The following SLC6A20 variants were observed in gnomAD, a reference collection of about 807,000 sequenced individuals.
The protein encoded by SLC6A20 is sodium- and chloride-dependent transporter XTRP3.
In SLC6A20, 73 loss-of-function variants were observed where a neutral mutation model predicts 64.3. The observed-to-expected ratio is 1.14, with a 90% CI of 0.94 to 1.38. SLC6A20 has a LOEUF of 1.38. SLC6A20 is among the 40% of genes most tolerant of loss of function. SLC6A20 has a pLI of 0.00. For missense variants in SLC6A20, 725 were observed against 772.8 expected, an observed-to-expected ratio of 0.94 and a Z score of 0.73; for synonymous variants, 347 against 329.6, an observed-to-expected ratio of 1.05 and a Z score of -0.57.
intron 9 of SLC6A20, among the ~76,000 whole-genome samples, chr3:45,760,314 C>A (rs930113127): frequency 6.6e-6 from 1 of 152,194 alleles, no homozygotes; most frequent in Admixed American, 6.5e-5. Flanking sequence ...GCTGGCATAG[C>A]CCAGAGGGCA....
intron 9 of SLC6A20, 54 bp from the exon 10 acceptor site, chr3:45,760,076 G>T: frequency 1.3e-6 from 2 of 1,557,648 alleles, no homozygotes; most frequent in Non-Finnish European, 1.7e-6. Flanking sequence ...CGGAGGTCAG[G>T]GCGTCCAGCT....
At chr3:45,785,273 A>T (rs1700151899) in intron 1 of SLC6A20, among the ~76,000 whole-genome samples, 1 of 152,178 alleles carries the variant, frequency 6.6e-6, no homozygotes, top group South Asian at 2.1e-4. Flanking sequence ...GGATAAAGGG[A>T]TGCAAAGTAT....
At chr3:45,770,984 G>T (rs545637639) in intron 6 of SLC6A20, among the ~76,000 whole-genome samples, 1 of 152,290 alleles carries the variant, frequency 6.6e-6, no homozygotes, top group South Asian at 2.1e-4. Context: ...TTTGATCATT[G>T]TATGTCCTAT....
chr3:45,766,687 C>G (rs1313862974), intron 7 of SLC6A20, among the ~76,000 whole-genome samples: 2 of 152,244 alleles, frequency 1.3e-5, no homozygotes, highest in East Asian at 3.9e-4. Context: ...AGACTGTAGC[C>G]TTATAACAAG....
intron 2 of SLC6A20, among the ~76,000 whole-genome samples, chr3:45,781,689 C>G (rs1202751681): frequency 2.0e-5 from 3 of 152,216 alleles, no homozygotes; most frequent in African/African-American, 7.2e-5. Flanking sequence ...GGCTGGCTCC[C>G]AGCATGTAGT....
rs754352904 is a variant in SLC6A20, at chr3:45,775,993, G to A, written c.355-5C>T. ...GACAGACCACGGCAGGGGATCCTGTGGGACCAAAGCAAGTGTTATCCAGGG... is the reference window on the plus strand; with the variant it reads ...GACAGACCACGGCAGGGGATCCTGTAGGACCAAAGCAAGTGTTATCCAGGG... On this transcript the variant is annotated splice_region_variant and splice_polypyrimidine_tract_variant and intron_variant, in intron 3 of 10. Transcript: ENST00000358525. 6.8e-6 allele frequency: 11 copies of A among 1,613,832 alleles called. No homozygotes were observed. In the Admixed American group the frequency reaches 1.8e-4, roughly 27 times the overall value.
intron 6 of SLC6A20, among the ~76,000 whole-genome samples, chr3:45,770,980 CA>C (rs1190776609): frequency 6.6e-6 from 1 of 152,164 alleles, no homozygotes; most frequent in African/African-American, 2.4e-5. Context: ...AAAATTTGAT[CA>C]TTGTATGTCC....
At position 45,770,267 on chromosome 3, in the gene SLC6A20, T is replaced by G. The variant is rs1559564568; in HGVS notation, c.1040A>C (p.Lys347Thr). The G allele has an allele frequency of 1.2e-6, 2 of 1,614,176 alleles. No individual in the cohort carries two copies. The highest frequency in any genetic ancestry group is 1.7e-6 in the Non-Finnish European group (2 of 1,180,036). The change falls in exon 7 of 11, where the codon AAA becomes ACA. Residue 347 changes from lysine (K) to threonine (T), a missense_variant. By Grantham distance (78) the Lys-to-Thr change is moderately conservative. Coordinates refer to ENST00000358525, the MANE Select transcript of SLC6A20 (RefSeq NM_020208.4). ...KGYLASAYPS[K>T]YSEMFPQIKN... Reference sequence around the variant, plus strand: ...GATTTGCGGGAACATCTCGCTGTATTTGCTTGGGTAGGCAGATGCGAGGTA... The same window carrying G: ...GATTTGCGGGAACATCTCGCTGTATGTGCTTGGGTAGGCAGATGCGAGGTA...
rs771609769 is a variant in SLC6A20, at chr3:45,770,359, C to CAGCAGACTCACCCTGCAG, written c.936-6_947dup (p.Leu316_Leu317insCysArgValSerLeuLeu). 6.2e-7 allele frequency: 1 copy of CAGCAGACTCACCCTGCAG among 1,614,000 alleles called. No individual in the cohort carries two copies. The highest frequency in any genetic ancestry group is 1.7e-5 in the Admixed American group (1 of 60,028). Reference sequence around the variant, plus strand: ...CTTCAAGGTCAAAAGTGTTGGTCAGCAGCAGACTCACCCTGCAGAGCAGAC... The same window carrying CAGCAGACTCACCCTGCAG: ...CTTCAAGGTCAAAAGTGTTGGTCAGCAGCAGACTCACCCTGCAGAGCAGACTCACCCTGCAGAGCAGAC... On this transcript the variant is annotated inframe_insertion, in exon 7 of 11. Coordinates refer to ENST00000358525, the MANE Select transcript of SLC6A20 (RefSeq NM_020208.4).
chr3:45,763,204 G>T, intron 8 of SLC6A20, 132 bp from the exon 9 acceptor site: 1 of 1,343,700 alleles, frequency 7.4e-7, no homozygotes, highest in Non-Finnish European at 1.0e-6. Context: ...TGGGTTGAAA[G>T]AGCTGTCATG....
rs1399505195 is a variant in SLC6A20 at position 45,757,680 on chromosome 3, T to A, written c.*1298A>T. 6.0e-6 allele frequency: 1 copy of A among 165,416 alleles called. No individual in the cohort carries two copies. The highest frequency in any genetic ancestry group is 2.4e-5 in the African/African-American group (1 of 41,648). The allele number at this position is 165,416 out of a possible 1,614,324, so 10.2% of individuals were successfully genotyped here. On this transcript the variant is annotated 3_prime_UTR_variant, in exon 11 of 11. Coordinates refer to ENST00000358525, the MANE Select transcript of SLC6A20 (RefSeq NM_020208.4). ...AAAATGGAGTTTCTTATGTCTTCCT[T>A]TTCTACACAGACACAGTAACAATCT...
At chr3:45,770,933 G>A (rs1286837113) in intron 6 of SLC6A20, among the ~76,000 whole-genome samples, 1 of 152,166 alleles carries the variant, frequency 6.6e-6, no homozygotes, top group Non-Finnish European at 1.5e-5. Flanking sequence ...AGGCTTCTTG[G>A]TTACTTCTGA....
intron 6 of SLC6A20, 22 bp from the exon 7 acceptor site, chr3:45,770,393 C>G: frequency 1.2e-6 from 2 of 1,611,768 alleles, no homozygotes; most frequent in Non-Finnish European, 1.7e-6. Context: ...ACCATCGGAT[C>G]GACCTTCACT....
At chr3:45,792,878 G>T (rs146573676) in intron 1 of SLC6A20, among the ~76,000 whole-genome samples, 4 of 152,106 alleles carry the variant, frequency 2.6e-5, no homozygotes, top group Non-Finnish European at 5.9e-5. Flanking sequence ...CCCTACTGCC[G>T]GGCCTGGGGC....
At chr3:45,776,175 G>A (rs891475170) in intron 3 of SLC6A20, among the ~76,000 whole-genome samples, 187 bp from the exon 4 acceptor site, 3 of 152,122 alleles carry the variant, frequency 2.0e-5, no homozygotes, top group Non-Finnish European at 4.4e-5. Flanking sequence ...GCACGGGTGA[G>A]GCAGGAAGGG....
At chr3:45,761,498 CCTTCT>C (rs750736524) in intron 9 of SLC6A20, among the ~76,000 whole-genome samples, 10 of 152,154 alleles carry the variant, frequency 6.6e-5, no homozygotes, top group Non-Finnish European at 1.5e-4. Flanking sequence ...TCTCTCCCAA[CCTTCT>C]CTTTTTATCC....
At chr3:45,771,715 C>A in intron 5 of SLC6A20, 1 of 580,678 alleles carries the variant, frequency 1.7e-6, no homozygotes, top group Non-Finnish European at 3.0e-6. Context: ...ACATAAGGTG[C>A]TACGTATCCT....
intron 1 of SLC6A20, among the ~76,000 whole-genome samples, chr3:45,784,037 G>A (rs539342893): frequency 3.3e-5 from 5 of 152,304 alleles, no homozygotes; most frequent in South Asian, 2.1e-4. Context: ...CTGTTTTTAC[G>A]CGGGGTGTTA....
intron 2 of SLC6A20, 54 bp from the exon 3 acceptor site, chr3:45,780,154 G>A (rs1282677036): frequency 2.2e-5 from 33 of 1,518,072 alleles, no homozygotes; most frequent in African/African-American, 5.5e-5. Context: ...TTCCCCCTCC[G>A]CCAGGCCCAG....
Sources: allele counts gnomAD v4.1 joint callset (sites outside exome capture counted in the v4.1 genomes callset), GRCh38; gene constraint gnomAD v4.1.1; transcripts MANE v1.5; gene names NCBI Gene and HGNC (gene_info 2026-07-23, HGNC 2026-07-21).